Variants in CSMD1 observed in about 807,000 individuals in gnomAD.
CSMD1 encodes the protein CUB and sushi domain-containing protein 1.
In CSMD1, 213 loss-of-function variants were observed where a neutral mutation model predicts 417.5. The ratio of observed to expected loss-of-function variants is 0.51; its 90% confidence interval spans 0.46 to 0.57. The LOEUF is 0.57. Among genes scored for constraint, CSMD1 ranks in the 20% least tolerant of loss-of-function variants. The pLI is 0.00. For missense variants in CSMD1, 6,923 were observed against 4,529.7 expected, an observed-to-expected ratio of 1.53 and a Z score of -15.17; for synonymous variants, 2,862 against 1,736.8, an observed-to-expected ratio of 1.65 and a Z score of -16.11.
chr8:4,179,629 G>C (rs1035840568), intron 3 of CSMD1, among the ~76,000 whole-genome samples: 3 of 152,082 alleles, frequency 2.0e-5, no homozygotes, highest in Non-Finnish European at 2.9e-5. Context: ...ACTACCATCA[G>C]AGTGAACAGG....
Position 2,961,243 on chromosome 8 carries a change from G to A in CSMD1, c.9629-29C>T, listed in dbSNP as rs767731450. Reference sequence around the variant, plus strand: ...AAATTTGTGATTTAAAAAGAAAAGAGGGCACCAGATATAGTTATTGTGAGA... The same window carrying A: ...AAATTTGTGATTTAAAAAGAAAAGAAGGCACCAGATATAGTTATTGTGAGA... On this transcript the variant is annotated intron_variant, in intron 61 of 69. Coordinates refer to ENST00000635120, the MANE Select transcript of CSMD1 (RefSeq NM_033225.6). 9.8e-6 allele frequency: 14 copies of A among 1,425,010 alleles called. No homozygotes were observed. The South Asian group carries it at 1.5e-4, about 15-fold the overall frequency. The allele number at this position is 1,425,010 out of a possible 1,614,324, so 88.3% of individuals were successfully genotyped here. A position where few individuals can be genotyped will look rare whatever the true frequency, so the allele number is the denominator to read the frequency against.
intron 5 of CSMD1, among the ~76,000 whole-genome samples, chr8:3,842,802 T>C (rs1490462319): frequency 2.0e-5 from 3 of 152,202 alleles, no homozygotes; most frequent in Admixed American, 1.3e-4. Flanking sequence ...AAAGTTGGAA[T>C]GTCAGTGTTC....
chr8:4,199,767 C>G (rs1410624519), intron 3 of CSMD1, among the ~76,000 whole-genome samples: 4 of 152,120 alleles, frequency 2.6e-5, no homozygotes, highest in African/African-American at 4.8e-5. Context: ...AAACTGAAGA[C>G]TCAAGGATAA....
intron 2 of CSMD1, among the ~76,000 whole-genome samples, chr8:4,636,382 G>C (rs377411845): frequency 6.6e-6 from 1 of 152,094 alleles, no homozygotes; most frequent in Non-Finnish European, 1.5e-5. Context: ...TAGATCAAAA[G>C]AGAAAACAAA....
In CSMD1 at chr8:4,181,770, A is replaced by G. The variant is rs61143934; in HGVS notation, c.416-149671T>C. Among the ~76,000 whole-genome samples the G allele has an allele frequency of 3.9e-5, 6 of 152,346 alleles. No individual in the cohort carries two copies. In the East Asian group the frequency reaches 1.2e-3, roughly 29 times the overall value. Reference sequence around the variant, plus strand: ...ACAATTCTTATCTTGTCATTGAAATATTACGTATTAACGATTTAGGTGACT... The same window carrying G: ...ACAATTCTTATCTTGTCATTGAAATGTTACGTATTAACGATTTAGGTGACT... On this transcript the variant is annotated intron_variant, in intron 3 of 69. Transcript: ENST00000635120.
At chr8:4,204,888 T>C (rs1029698606) in intron 3 of CSMD1, among the ~76,000 whole-genome samples, 1 of 152,158 alleles carries the variant, frequency 6.6e-6, no homozygotes, top group Admixed American at 6.5e-5. Flanking sequence ...CCTGAACTCC[T>C]GTCCTCAAAG....
rs535087320 is a variant in CSMD1, at chr8:3,786,160, C to G, written c.819-32118G>C. On this transcript the variant is annotated intron_variant, in intron 5 of 69. Coordinates refer to ENST00000635120, the MANE Select transcript of CSMD1 (RefSeq NM_033225.6). Reference sequence around the variant, plus strand: ...TAGCAAAACAGGACACAGAGGAGCACCTGGTTTGGGGCCAGATTGGGACAT... The same window carrying G: ...TAGCAAAACAGGACACAGAGGAGCAGCTGGTTTGGGGCCAGATTGGGACAT... Among the ~76,000 whole-genome samples, 55 of 152,202 alleles carry G rather than the reference C, an allele frequency of 3.6e-4. 1 individual carries two copies. The highest frequency in any genetic ancestry group is 1.3e-3 in the African/African-American group (54 of 41,524).
intron 3 of CSMD1, among the ~76,000 whole-genome samples, chr8:4,185,949 G>A (rs559050033): frequency 5.9e-5 from 9 of 152,208 alleles, no homozygotes; most frequent in African/African-American, 1.7e-4. Context: ...TTCAGCTTAA[G>A]GTCTACGGTG....
chr8:3,299,008 G>C (rs942620931), intron 25 of CSMD1, among the ~76,000 whole-genome samples: 2 of 152,138 alleles, frequency 1.3e-5, no homozygotes, highest in African/African-American at 2.4e-5. Flanking sequence ...ATGGAGTTTT[G>C]CCATCTTGGA....
At chr8:4,885,060 T>C (rs1803650264) in intron 1 of CSMD1, among the ~76,000 whole-genome samples, 1 of 152,088 alleles carries the variant, frequency 6.6e-6, no homozygotes, top group Non-Finnish European at 1.5e-5. Context: ...TTGAACTTCT[T>C]TGTTAAAAGT....
chr8:3,475,728 G>A (rs998443649), intron 11 of CSMD1, among the ~76,000 whole-genome samples: 2 of 152,208 alleles, frequency 1.3e-5, no homozygotes, highest in African/African-American at 4.8e-5. Context: ...AATCAACAGT[G>A]ATTATTTCTC....
chr8:3,655,680 T>A (rs1032181152), intron 7 of CSMD1, among the ~76,000 whole-genome samples: 23 of 149,764 alleles, frequency 1.5e-4, no homozygotes, highest in Admixed American at 6.2e-4. Context: ...TTTTTTTTTT[T>A]TAATCTTCCA....
intron 2 of CSMD1, among the ~76,000 whole-genome samples, chr8:4,623,354 A>T (rs1055605322): frequency 6.6e-6 from 1 of 152,204 alleles, no homozygotes. Context: ...TAGCAAAAAC[A>T]TACAACAACT....
chr8:2,997,986 G>A, intron 54 of CSMD1, 25 bp downstream of exon 54: 2 of 1,606,174 alleles, frequency 1.2e-6, no homozygotes, highest in Non-Finnish European at 1.7e-6. Context: ...AGAGCAAAGG[G>A]CTCATTCCTG....
At position 4,021,472 on chromosome 8, in the gene CSMD1, G is replaced by A. The variant is rs117086557; in HGVS notation, c.610+10433C>T. ...AGGACCTGGCTTTTGTTGGTTAAGCGTGTGGCAGTTGAATCCGCTACATCC... is the reference window on the plus strand; with the variant it reads ...AGGACCTGGCTTTTGTTGGTTAAGCATGTGGCAGTTGAATCCGCTACATCC... On this transcript the variant is annotated intron_variant, in intron 4 of 69. Transcript: ENST00000635120. Among the ~76,000 whole-genome samples the A allele has an allele frequency of 6.2e-4, 95 of 152,260 alleles. 2 individuals carry two copies. The highest frequency in any genetic ancestry group is 2.1e-3 in the East Asian group (11 of 5,166).
chr8:3,888,691 G>A (rs1012914782), intron 5 of CSMD1, among the ~76,000 whole-genome samples: 12 of 152,090 alleles, frequency 7.9e-5, no homozygotes, highest in African/African-American at 2.2e-4. Flanking sequence ...AGAGGCTGCC[G>A]GGACAGAGAT....
chr8:4,979,351 G>C (rs550976516), intron 1 of CSMD1, among the ~76,000 whole-genome samples: 3 of 152,202 alleles, frequency 2.0e-5, no homozygotes, highest in Admixed American at 1.3e-4. Context: ...CATTCCCTTT[G>C]TAAAGACAAA....
intron 29 of CSMD1, 85 bp from the exon 30 acceptor site, chr8:3,214,776 T>G (rs891166279): frequency 6.3e-6 from 7 of 1,107,484 alleles, no homozygotes; most frequent in Non-Finnish European, 9.0e-6. Context: ...GTTCTTTAAT[T>G]GTGTTATTTA....
At chr8:2,999,601 T>C (rs974223316) in intron 53 of CSMD1, among the ~76,000 whole-genome samples, 1 of 152,170 alleles carries the variant, frequency 6.6e-6, no homozygotes, top group African/African-American at 2.4e-5. Context: ...ACCCAGACTC[T>C]GCACCTCCAC....
Sources: allele counts gnomAD v4.1 joint callset (sites outside exome capture counted in the v4.1 genomes callset), GRCh38; gene constraint gnomAD v4.1.1; transcripts MANE v1.5; gene names NCBI Gene and HGNC (gene_info 2026-07-23, HGNC 2026-07-21).